The following ERC1 variants were observed in gnomAD, a reference collection of about 807,000 sequenced individuals.
ERC1 encodes RAB6 interacting protein 2.
A neutral mutation model predicts 132.0 loss-of-function variants in ERC1; 56 were observed. The ratio of observed to expected loss-of-function variants is 0.42; its 90% CI spans 0.34 to 0.53. ERC1 has a LOEUF of 0.53. ERC1 is among the 20% of genes least tolerant of loss of function. The probability of loss-of-function intolerance (pLI) is 0.03; values close to 1 mark genes in which losing one functional copy is unlikely to be tolerated. For missense variants in ERC1, 1,202 were observed against 1,349.9 expected, an observed-to-expected ratio of 0.89 and a Z score of 1.72; for synonymous variants, 478 against 476.1, an observed-to-expected ratio of 1.00 and a Z score of -0.05.
intron 15 of ERC1, among the ~76,000 whole-genome samples, chr12:1,355,149 A>G (rs746144748): frequency 2.6e-5 from 4 of 152,162 alleles, no homozygotes; most frequent in African/African-American, 7.2e-5. Flanking sequence ...ACACTACTCA[A>G]ATCTCTTGTA....
In ERC1 at chr12:1,236,883, C is replaced by T. The variant is rs147278204; in HGVS notation, c.2466C>T (p.Asn822=). ...EEARRREDNL[N]DSSQQLQDSL... is the part of the protein sequence containing the mutation. Reference sequence around the variant, plus strand: ...CGCGACGACGGGAGGACAATCTCAACGACAGCTCTCAGCAGCTACAGGTTA... The same window carrying T: ...CGCGACGACGGGAGGACAATCTCAATGACAGCTCTCAGCAGCTACAGGTTA... Residue 822 remains asparagine, a synonymous_variant, in exon 13 of 19, where the codon AAC becomes AAT. Transcript: ENST00000360905. 128 of 1,613,958 alleles carry T rather than the reference C, an allele frequency of 7.9e-5. No homozygotes were observed. Among genetic ancestry groups the T allele is most frequent in the Admixed American group, 2.2e-4 (13 of 59,980 alleles).
At chr12:1,359,024 T>C (rs983421419) in intron 15 of ERC1, among the ~76,000 whole-genome samples, 1 of 152,188 alleles carries the variant, frequency 6.6e-6, no homozygotes, top group Admixed American at 6.5e-5. Flanking sequence ...TGGAGGAAAA[T>C]GTCACTGATA....
Position 1,281,179 on chromosome 12 carries a change from T to C in ERC1, c.2620-8673T>C, listed in dbSNP as rs200045849. Reference sequence around the variant, plus strand: ...GAATCCCTACATGGTCTGTTTTGTTTGCTGTTTTCCGAATAAAATGCAATA... The same window carrying C: ...GAATCCCTACATGGTCTGTTTTGTTCGCTGTTTTCCGAATAAAATGCAATA... On this transcript the variant is annotated intron_variant, in intron 14 of 18. Coordinates refer to ENST00000360905, the MANE Select transcript of ERC1 (RefSeq NM_178040.4). Among the ~76,000 whole-genome samples, 13 of 152,370 alleles carry C rather than the reference T, an allele frequency of 8.5e-5. No homozygotes were observed. In the East Asian group the frequency reaches 2.5e-3, roughly 29 times the overall value.
chr12:1,139,828 G>T (rs1339065297), intron 7 of ERC1, among the ~76,000 whole-genome samples: 1 of 151,966 alleles, frequency 6.6e-6, no homozygotes, highest in Non-Finnish European at 1.5e-5. Context: ...TAGATCAGAG[G>T]TCATGCTATG....
chr12:1,264,837 A>G (rs907836212), intron 14 of ERC1, among the ~76,000 whole-genome samples: 2 of 152,130 alleles, frequency 1.3e-5, no homozygotes, highest in African/African-American at 4.8e-5. Context: ...GGTCAGACCA[A>G]GGTGTTATTT....
In ERC1 at chr12:1,096,893, G is replaced by C. The variant is rs186698501; in HGVS notation, c.1087-7857G>C. On this transcript the variant is annotated intron_variant, in intron 3 of 18. Transcript: ENST00000360905. Reference sequence around the variant, plus strand: ...TCCCTTCCCTCTAAAAGTAACCAGTGTTCTGGGTTTTATAGTTATCATGCC... The same window carrying C: ...TCCCTTCCCTCTAAAAGTAACCAGTCTTCTGGGTTTTATAGTTATCATGCC... Among the ~76,000 whole-genome samples the C allele has an allele frequency of 9.7e-4, 148 of 152,156 alleles. 2 individuals carry two copies. The highest frequency in any genetic ancestry group is 2.2e-4 in the Non-Finnish European group (15 of 68,000).
At chr12:1,126,305 G>C (rs1002528000) in intron 7 of ERC1, among the ~76,000 whole-genome samples, 3 of 152,156 alleles carry the variant, frequency 2.0e-5, no homozygotes, top group Non-Finnish European at 4.4e-5. Flanking sequence ...GCGGTAACTA[G>C]CACAGGAAGG....
At chr12:1,364,339 A>G (rs1012554918) in intron 15 of ERC1, among the ~76,000 whole-genome samples, 3 of 152,096 alleles carry the variant, frequency 2.0e-5, no homozygotes, top group Non-Finnish European at 4.4e-5. Context: ...ACCTTGCTTT[A>G]CTTCTCTAAA....
At chr12:1,289,622 T>G (rs1343311036) in intron 14 of ERC1, among the ~76,000 whole-genome samples, 1 of 152,234 alleles carries the variant, frequency 6.6e-6, no homozygotes, top group African/African-American at 2.4e-5. Flanking sequence ...TTGCATGTAT[T>G]AAGTTCTTTC....
At chr12:1,426,253 G>A (rs546652592) in intron 17 of ERC1, among the ~76,000 whole-genome samples, 14 of 152,172 alleles carry the variant, frequency 9.2e-5, no homozygotes, top group African/African-American at 2.2e-4. Flanking sequence ...ACAAGTGCGT[G>A]CACCACCACA....
intron 7 of ERC1, among the ~76,000 whole-genome samples, chr12:1,121,823 G>C (rs539716020): frequency 1.5e-4 from 2 of 13,050 alleles, no homozygotes; most frequent in African/African-American, 6.3e-4. Flanking sequence ...ATCTCTATCT[G>C]TGTCTCTATC....
intron 1 of ERC1, among the ~76,000 whole-genome samples, chr12:995,651 G>T (rs1960680499): frequency 6.6e-6 from 1 of 152,144 alleles, no homozygotes; most frequent in Admixed American, 6.5e-5. Flanking sequence ...AATTTTGGTG[G>T]AGAAGAGATC....
chr12:1,167,916 A>G (rs1181456512), intron 8 of ERC1, among the ~76,000 whole-genome samples: 3 of 151,846 alleles, frequency 2.0e-5, no homozygotes, highest in East Asian at 3.9e-4. Flanking sequence ...GGGTTTCAGC[A>G]TGTTGGCCAG....
chr12:1,259,258 G>GATAAAA (rs1237975787), intron 13 of ERC1, among the ~76,000 whole-genome samples: 25 of 152,018 alleles, frequency 1.6e-4, no homozygotes, highest in African/African-American at 5.8e-4. Flanking sequence ...CTTTCCAAAT[G>GATAAAA]ACATTCTTAT....
At chr12:1,125,524 C>T (rs1025496572) in intron 7 of ERC1, among the ~76,000 whole-genome samples, 1 of 151,966 alleles carries the variant, frequency 6.6e-6, no homozygotes, top group Non-Finnish European at 1.5e-5. Flanking sequence ...AATTAAAACA[C>T]CAAGCAGTCG....
At chr12:1,473,788 CAT>C (rs2093917633) in intron 18 of ERC1, among the ~76,000 whole-genome samples, 1 of 152,078 alleles carries the variant, frequency 6.6e-6, no homozygotes, top group Non-Finnish European at 1.5e-5. Context: ...GGGAAATAAA[CAT>C]AGGATAAATT....
chr12:1,095,319 A>G (rs1175031307), intron 3 of ERC1, among the ~76,000 whole-genome samples: 1 of 145,452 alleles, frequency 6.9e-6, no homozygotes, highest in Non-Finnish European at 1.5e-5. Flanking sequence ...GGTCCTAGCT[A>G]TTTGGGAGGC....
chr12:1,038,065 A>G (rs945586742), intron 2 of ERC1, among the ~76,000 whole-genome samples: 1 of 151,808 alleles, frequency 6.6e-6, no homozygotes, highest in African/African-American at 2.4e-5. Flanking sequence ...AAAGAAAAAG[A>G]AAAAAACTAT....
chr12:1,093,644 A>T (rs117567868), intron 3 of ERC1, among the ~76,000 whole-genome samples: 72 of 152,172 alleles, frequency 4.7e-4, no homozygotes, highest in Non-Finnish European at 9.9e-4. Context: ...ATTGCAGCCT[A>T]CTAGTTTTTT....
Sources: allele counts gnomAD v4.1 joint callset (sites outside exome capture counted in the v4.1 genomes callset), GRCh38; gene constraint gnomAD v4.1.1; transcripts MANE v1.5; gene names NCBI Gene and HGNC (gene_info 2026-07-23, HGNC 2026-07-21).